The following KIF1B variants were observed in gnomAD, a reference collection of about 807,000 sequenced individuals.
KIF1B encodes kinesin family member 1B.
A neutral mutation model predicts 241.9 loss-of-function variants in KIF1B; 76 were observed. The ratio of observed to expected loss-of-function variants is 0.31; its 90% CI spans 0.26 to 0.38. KIF1B has a LOEUF of 0.38. KIF1B is among the 10% of genes least tolerant of loss of function. The pLI, the probability that KIF1B is intolerant of heterozygous loss-of-function variation, is 1.00. For missense variants in KIF1B, 1,622 were observed against 2,271.4 expected, an observed-to-expected ratio of 0.71 and a Z score of 5.81; for synonymous variants, 750 against 796.7, an observed-to-expected ratio of 0.94 and a Z score of 0.99.
intron 27 of KIF1B, among the ~76,000 whole-genome samples, chr1:10,334,008 G>A (rs1652063262): frequency 6.6e-6 from 1 of 151,680 alleles, no homozygotes; most frequent in Non-Finnish European, 1.5e-5. Context: ...AAAATTAGCT[G>A]GCTATGGTGG....
At chr1:10,334,237 A>C (rs1202832361) in intron 27 of KIF1B, among the ~76,000 whole-genome samples, 1 of 151,436 alleles carries the variant, frequency 6.6e-6, no homozygotes, top group African/African-American at 2.4e-5. Flanking sequence ...GTATCTTGAA[A>C]GTCTGCTTCC....
intron 1 of KIF1B, among the ~76,000 whole-genome samples, chr1:10,218,170 A>G (rs61775871): frequency 0.016 from 2,463 of 152,132 alleles, 67 homozygotes; most frequent in African/African-American, 0.055. Context: ...CCAACCCACT[A>G]CAGGCTGGCT....
intron 2 of KIF1B, among the ~76,000 whole-genome samples, chr1:10,254,796 G>T (rs1647672367): frequency 7.0e-6 from 1 of 142,324 alleles, no homozygotes; most frequent in Non-Finnish European, 1.5e-5. Context: ...AGAATGGCGT[G>T]AACCTGGGAG....
chr1:10,379,789 C>T lies in KIF1B; in HGVS notation c.*3202C>T, dbSNP rs886045008. The T allele has an allele frequency of 4.3e-6, 1 of 230,592 alleles. No individual in the cohort carries two copies. Among genetic ancestry groups the T allele is most frequent in the Non-Finnish European group, 8.6e-6 (1 of 116,508 alleles). 14.3% of individuals were successfully genotyped at this position (230,592 alleles called of 1,614,324 possible). A position where few individuals can be genotyped will look rare whatever the true frequency, so the allele number is the denominator to read the frequency against. On this transcript the variant is annotated 3_prime_UTR_variant, in exon 49 of 49. Transcript: ENST00000676179. ...CACCAGCCCCAAATCAGTGCTCAGA[C>T]CCTCTCTGTGTCTGTGTGCCCTCCT...
intron 22 of KIF1B, among the ~76,000 whole-genome samples, chr1:10,301,620 C>T (rs763810139): frequency 1.9e-4 from 29 of 151,686 alleles, no homozygotes; most frequent in East Asian, 3.9e-4. Flanking sequence ...GAGCCGAGAT[C>T]GGGCACTCCA....
At chr1:10,277,307 T>C (rs1649170964) in intron 12 of KIF1B, among the ~76,000 whole-genome samples, 1 of 151,744 alleles carries the variant, frequency 6.6e-6, no homozygotes. Flanking sequence ...AAAAAACAAT[T>C]ACCAACAGAA....
At chr1:10,277,371 G>A (rs1207107277) in intron 12 of KIF1B, among the ~76,000 whole-genome samples, 1 of 151,972 alleles carries the variant, frequency 6.6e-6, no homozygotes. Context: ...GTCTTGCTAT[G>A]TGGCCCAAGC....
intron 31 of KIF1B, 25 bp from the exon 32 acceptor site, chr1:10,339,744 G>C (rs779552106): frequency 1.9e-6 from 3 of 1,598,834 alleles, no homozygotes; most frequent in Non-Finnish European, 1.7e-6. Context: ...CATTGTTCAC[G>C]AGTCTTTTTA....
At chr1:10,240,858 C>T (rs142062529) in intron 2 of KIF1B, among the ~76,000 whole-genome samples, 2 of 151,904 alleles carry the variant, frequency 1.3e-5, no homozygotes, top group African/African-American at 2.4e-5. Flanking sequence ...ACCACCACAC[C>T]TGGCCCTCAT....
Position 10,379,225 on chromosome 1 carries a change from G to A in KIF1B, c.*2638G>A, listed in dbSNP as rs958031944. 1 of 232,210 alleles carries A rather than the reference G, an allele frequency of 4.3e-6. No homozygotes were observed. Among genetic ancestry groups the A allele is most frequent in the Non-Finnish European group, 8.5e-6 (1 of 117,206 alleles). 14.4% of individuals were successfully genotyped at this position (232,210 alleles called of 1,614,324 possible). ...GTGAAATTATGTGATACACTGAAATGACTTTTGTTTTTCTTCTAACTCATA... is the reference window on the plus strand; with the variant it reads ...GTGAAATTATGTGATACACTGAAATAACTTTTGTTTTTCTTCTAACTCATA... On this transcript the variant is annotated 3_prime_UTR_variant, in exon 49 of 49. Coordinates refer to ENST00000676179, the MANE Select transcript of KIF1B (RefSeq NM_001365951.3).
At position 10,326,438 on chromosome 1, in the gene KIF1B, T is replaced by C. The variant is rs1241540882; in HGVS notation, c.2924+79T>C. The C allele has an allele frequency of 6.3e-7, 1 of 1,578,146 alleles. No homozygotes were observed. The highest frequency in any genetic ancestry group is 1.3e-5 in the African/African-American group (1 of 74,296). ...GCCTCCCTGCTTGCACAATTTTGGA[T>C]AACCTTGCATTAGCCAATTCAACTC... On this transcript the variant is annotated intron_variant, in intron 27 of 48. Coordinates refer to ENST00000676179, the MANE Select transcript of KIF1B (RefSeq NM_001365951.3). The surrounding 1 kb of genome is among the most constrained non-coding windows in gnomAD (Gnocchi z 5.2).
At chr1:10,370,417 A>T (rs1028031151) in intron 44 of KIF1B, among the ~76,000 whole-genome samples, 6 of 151,732 alleles carry the variant, frequency 4.0e-5, no homozygotes, top group Admixed American at 1.3e-4. Context: ...TACAAAAATT[A>T]GTTGGGTGTG....
chr1:10,325,547 A>G (rs1651693970), intron 26 of KIF1B, among the ~76,000 whole-genome samples: 1 of 152,194 alleles, frequency 6.6e-6, no homozygotes, highest in Non-Finnish European at 1.5e-5. Context: ...GAGGCTGGGT[A>G]AAAAGGAGTT....
intron 24 of KIF1B, 127 bp downstream of exon 24, chr1:10,321,984 T>A: frequency 1.1e-6 from 1 of 926,992 alleles, no homozygotes; most frequent in Non-Finnish European, 1.7e-6. Flanking sequence ...TAAAACAGCT[T>A]TATATATGTC....
intron 37 of KIF1B, among the ~76,000 whole-genome samples, chr1:10,350,550 C>T (rs1306062744): frequency 6.6e-6 from 1 of 152,096 alleles, no homozygotes; most frequent in Non-Finnish European, 1.5e-5. Flanking sequence ...CAGAGCAATA[C>T]TCCATCTCAA....
intron 1 of KIF1B, among the ~76,000 whole-genome samples, chr1:10,219,058 A>G (rs569607940): frequency 1.3e-5 from 2 of 152,294 alleles, no homozygotes; most frequent in East Asian, 1.9e-4. Flanking sequence ...AAATTGTACA[A>G]TTTTCACTCT....
intron 1 of KIF1B, among the ~76,000 whole-genome samples, chr1:10,218,332 T>C (rs952741031): frequency 2.0e-5 from 3 of 152,118 alleles, no homozygotes; most frequent in Non-Finnish European, 4.4e-5. Context: ...TTTGGCTACT[T>C]CTGTTTGTGG....
chr1:10,268,955 A>G (rs549893937), intron 7 of KIF1B, among the ~76,000 whole-genome samples: 1 of 152,294 alleles, frequency 6.6e-6, no homozygotes, highest in South Asian at 2.1e-4. Flanking sequence ...AGTGCATACA[A>G]TAATGTCTGG....
intron 28 of KIF1B, among the ~76,000 whole-genome samples, chr1:10,334,931 A>ATTGGTG (rs988245930): frequency 1.3e-5 from 2 of 150,864 alleles, no homozygotes; most frequent in Non-Finnish European, 1.5e-5. Context: ...TATAAAAGTC[A>ATTGGTG]TTGGTGTGTT....
Sources: gnomAD v4.1 joint callset for allele counts (sites outside exome capture counted in the v4.1 genomes callset) on GRCh38, gnomAD v4.1.1 for gene constraint, Gnocchi (gnomAD v3.1) non-coding constraint, MANE v1.5 for transcripts, NCBI Gene and HGNC (gene_info 2026-07-23, HGNC 2026-07-21) for gene names.